The following SLC8A1 variants were observed in gnomAD, a reference collection of about 807,000 sequenced individuals.
SLC8A1 encodes sodium/calcium exchanger 1.
SLC8A1 carries 18 observed loss-of-function variants against 68.3 expected under a neutral mutation model. The ratio of observed to expected loss-of-function variants is 0.26; its 90% CI spans 0.18 to 0.39. The LOEUF (loss-of-function observed/expected upper bound fraction) is 0.39. SLC8A1 is among the 10% of genes least tolerant of loss of function. The pLI, the probability that SLC8A1 is intolerant of heterozygous loss-of-function variation, is 1.00. For missense variants in SLC8A1, 985 were observed against 1,156.7 expected (o/e 0.85, Z 2.15); for synonymous variants, 475 against 415.5 (o/e 1.14, Z -1.74).
At chr2:40,368,432 A>G (rs950966452) in intron 2 of SLC8A1, among the ~76,000 whole-genome samples, 1 of 152,006 alleles carries the variant, frequency 6.6e-6, no homozygotes, top group African/African-American at 2.4e-5. Context: ...TGAACCCCTA[A>G]GTCTTTCAGT....
chr2:40,259,755 G>A, intron 2 of SLC8A1, among the ~76,000 whole-genome samples: 1 of 152,070 alleles, frequency 6.6e-6, no homozygotes, highest in East Asian at 1.9e-4. Context: ...GGTTTATTTT[G>A]ATTTTTTAAA....
chr2:40,123,263 G>A (rs900804279), intron 7 of SLC8A1: 4 of 152,188 alleles, frequency 2.6e-5, no homozygotes, highest in Admixed American at 2.0e-4. Context: ...CTCCGACTGT[G>A]ACTACACAAT....
intron 2 of SLC8A1, among the ~76,000 whole-genome samples, chr2:40,183,934 T>C (rs1240449359): frequency 2.0e-5 from 3 of 152,120 alleles, no homozygotes; most frequent in Admixed American, 6.5e-5. Context: ...GGTGGGAGGA[T>C]AGCTTGAGTC....
chr2:40,210,323 T>C (rs539521173), intron 2 of SLC8A1, among the ~76,000 whole-genome samples: 20 of 152,306 alleles, frequency 1.3e-4, no homozygotes, highest in Admixed American at 3.3e-4. Context: ...AGATACCTGC[T>C]GGCTGGATTT....
chr2:40,152,960 G>A (rs771765936), intron 6 of SLC8A1, among the ~76,000 whole-genome samples: 1 of 152,030 alleles, frequency 6.6e-6, no homozygotes, highest in South Asian at 2.1e-4. Flanking sequence ...GGCAATGGAG[G>A]AGACCCCATC....
intron 2 of SLC8A1, among the ~76,000 whole-genome samples, chr2:40,362,908 TTTG>T (rs1675018822): frequency 1.3e-5 from 2 of 152,120 alleles, no homozygotes; most frequent in Admixed American, 1.3e-4. Flanking sequence ...AAAGAAATTT[TTTG>T]TTATTTGAGA....
At chr2:40,099,554 C>T (rs1268652541) in exon 8 of SLC8A1, 1 of 151,996 alleles carries the variant, frequency 6.6e-6, no homozygotes, top group Non-Finnish European at 1.5e-5. Context: ...TCTACCTGCC[C>T]CCTGTCAGTC....
chr2:40,303,479 C>T (rs561198633), intron 2 of SLC8A1, among the ~76,000 whole-genome samples: 1 of 152,206 alleles, frequency 6.6e-6, no homozygotes, highest in Non-Finnish European at 1.5e-5. Context: ...CAAGTACAGC[C>T]CATGTTAAAG....
chr2:40,254,189 A>C (rs1270879429), intron 2 of SLC8A1, among the ~76,000 whole-genome samples: 5 of 152,158 alleles, frequency 3.3e-5, no homozygotes, highest in Non-Finnish European at 7.3e-5. Context: ...AATATAAAAA[A>C]AGAAAATAAA....
intron 2 of SLC8A1, among the ~76,000 whole-genome samples, chr2:40,193,400 G>A (rs931862321): frequency 7.2e-5 from 11 of 152,108 alleles, no homozygotes; most frequent in Non-Finnish European, 1.5e-4. Context: ...CTTAGAGAAG[G>A]GATAGGCATG....
At chr2:40,142,641 A>C (rs948928727) in intron 6 of SLC8A1, among the ~76,000 whole-genome samples, 1 of 152,188 alleles carries the variant, frequency 6.6e-6, no homozygotes, top group Non-Finnish European at 1.5e-5. Flanking sequence ...AAGAAATGCC[A>C]TTTATAAATT....
chr2:40,217,450 G>T (rs1342113167), intron 2 of SLC8A1, among the ~76,000 whole-genome samples: 1 of 151,940 alleles, frequency 6.6e-6, no homozygotes, highest in Admixed American at 6.6e-5. Context: ...TCTTTCCTTT[G>T]GGCTTCAGTT....
At chr2:40,295,826 T>A (rs1027292786) in intron 2 of SLC8A1, among the ~76,000 whole-genome samples, 1 of 152,156 alleles carries the variant, frequency 6.6e-6, no homozygotes, top group African/African-American at 2.4e-5. Flanking sequence ...ACAATTAGAA[T>A]TCATTATGTC....
exon 8 of SLC8A1, chr2:40,114,701 G>A (rs553743461): frequency 2.6e-5 from 4 of 152,504 alleles, no homozygotes; most frequent in Admixed American, 6.5e-5. Context: ...ATGAACTTTG[G>A]TAATACGATG....
At chr2:40,176,325 C>G (rs968165530) in intron 3 of SLC8A1, among the ~76,000 whole-genome samples, 1 of 152,110 alleles carries the variant, frequency 6.6e-6, no homozygotes, top group African/African-American at 2.4e-5. Flanking sequence ...TACATGAGAG[C>G]ATATTTTACT....
chr2:40,175,889 A>G, intron 3 of SLC8A1: 1 of 377,506 alleles, frequency 2.6e-6, no homozygotes, highest in Non-Finnish European at 5.3e-6. Context: ...AGAATTGCTT[A>G]TGTTTTAAAA....
At chr2:40,347,777 G>C (rs912171887) in intron 2 of SLC8A1, among the ~76,000 whole-genome samples, 1 of 152,132 alleles carries the variant, frequency 6.6e-6, no homozygotes, top group Admixed American at 6.5e-5. Flanking sequence ...ACCAACAAAA[G>C]AGATCTTTAG....
In SLC8A1 at chr2:40,281,079, T is replaced by G. The variant is rs115265575; in HGVS notation, c.1809-103224A>C. On this transcript the variant is annotated intron_variant, in intron 2 of 7. Transcript: ENST00000406785. The stretch of plus-strand genomic sequence containing the variant: ...ACTTGCCTGCTTAGTTTTGATGGAA[T>G]GAGCCAATGAATGACAGTAAGATTT... Among the ~76,000 whole-genome samples the G allele has an allele frequency of 9.0e-3, 1,364 of 152,304 alleles. 11 individuals carry two copies. The highest frequency in any genetic ancestry group is 0.012 in the Admixed American group (181 of 15,290).
chr2:40,450,252 GTCT>G (rs1243551568), intron 1 of SLC8A1, among the ~76,000 whole-genome samples: 2 of 152,028 alleles, frequency 1.3e-5, no homozygotes, highest in Non-Finnish European at 1.5e-5. Context: ...TTCCGGCTTT[GTCT>G]TCTTATTTGA....
Sources: gnomAD v4.1 joint callset for allele counts (sites outside exome capture counted in the v4.1 genomes callset) on GRCh38, gnomAD v4.1.1 for gene constraint, MANE v1.5 for transcripts, NCBI Gene and HGNC (gene_info 2026-07-23, HGNC 2026-07-21) for gene names.